The following PPAT variants were observed in gnomAD, a reference collection of about 807,000 sequenced individuals.
The protein encoded by PPAT is phosphoribosyl pyrophosphate amidotransferase.
PPAT carries 20 observed loss-of-function variants against 60.2 expected under a neutral mutation model. The ratio of observed to expected loss-of-function variants is 0.33; its 90% CI spans 0.23 to 0.48. The LOEUF (loss-of-function observed/expected upper bound fraction) is 0.48, where lower values mean the gene tolerates loss of function less well. Ranked by LOEUF, PPAT falls within the 20% of genes least tolerant of loss-of-function variation. PPAT has a pLI of 0.99. For missense variants in PPAT, 349 were observed against 629.6 expected (o/e 0.55, Z 4.77); for synonymous variants, 194 against 215.1 (o/e 0.90, Z 0.86).
intron 8 of PPAT, chr4:56,399,801 A>G (rs541054220): frequency 5.9e-4 from 94 of 159,842 alleles, no homozygotes; most frequent in African/African-American, 2.1e-3. Context: ...CCATTTATCA[A>G]GGTAATCTTT....
chr4:56,426,068 A>G (rs1717267893), intron 1 of PPAT, among the ~76,000 whole-genome samples: 1 of 152,076 alleles, frequency 6.6e-6, no homozygotes, highest in Non-Finnish European at 1.5e-5. Flanking sequence ...TACAATAATC[A>G]CCAGTATCCC....
intron 1 of PPAT, among the ~76,000 whole-genome samples, chr4:56,417,976 ATT>A (rs1027318712): frequency 2.6e-5 from 4 of 151,158 alleles, no homozygotes; most frequent in African/African-American, 9.7e-5. Context: ...AGTAGCTGGG[ATT>A]ACAGGTGTGC....
At position 56,393,984 on chromosome 4, in the gene PPAT, C is replaced by T. The variant is rs995862048; in HGVS notation, c.*1368G>A. 4.6e-5 allele frequency: 7 copies of T among 152,018 alleles called. No individual in the cohort carries two copies. The highest frequency in any genetic ancestry group is 1.7e-4 in the African/African-American group (7 of 41,354). The allele number at this position is 152,018 out of a possible 1,614,324, so 9.4% of individuals were successfully genotyped here. A position where few individuals can be genotyped will look rare whatever the true frequency, so the allele number is the denominator to read the frequency against. ...TAATATAATATGCGAGACTATATAC[C>T]AAAGGAAGACAAACAGTTTCAGTTA... On this transcript the variant is annotated 3_prime_UTR_variant, in exon 11 of 11. Coordinates refer to ENST00000264220, the MANE Select transcript of PPAT (RefSeq NM_002703.5).
At chr4:56,427,266 T>C (rs1324027230) in intron 1 of PPAT, among the ~76,000 whole-genome samples, 3 of 152,238 alleles carry the variant, frequency 2.0e-5, no homozygotes, top group Non-Finnish European at 2.9e-5. Flanking sequence ...GTTGATCATA[T>C]GGTAATTTGT....
At chr4:56,434,388 T>C (rs1717781660) in intron 1 of PPAT, among the ~76,000 whole-genome samples, 1 of 152,248 alleles carries the variant, frequency 6.6e-6, no homozygotes, top group Admixed American at 6.5e-5. Flanking sequence ...TGTAAGTTGT[T>C]ACCACTGTAT....
chr4:56,405,818 G>A (rs993042779), intron 3 of PPAT, among the ~76,000 whole-genome samples: 5 of 152,178 alleles, frequency 3.3e-5, no homozygotes, highest in African/African-American at 1.2e-4. Flanking sequence ...GCACTTTCTT[G>A]AGTTTTGTGA....
intron 10 of PPAT, 142 bp from the exon 11 acceptor site, chr4:56,395,690 GA>G (rs1036369993): frequency 1.1e-4 from 58 of 519,214 alleles, no homozygotes; most frequent in African/African-American, 3.1e-4. Flanking sequence ...AAAAAAAAAG[GA>G]AAAAAAATCA....
At chr4:56,419,401 A>G (rs1041834488) in intron 1 of PPAT, among the ~76,000 whole-genome samples, 12 of 152,208 alleles carry the variant, frequency 7.9e-5, no homozygotes, top group African/African-American at 2.9e-4. Flanking sequence ...TGACTAAAAA[A>G]ACACAACTTT....
intron 3 of PPAT, 151 bp from the exon 4 acceptor site, chr4:56,403,552 T>C: frequency 1.6e-6 from 1 of 613,510 alleles, no homozygotes; most frequent in Non-Finnish European, 2.8e-6. Flanking sequence ...CCCAACCTTT[T>C]TGGCACCAGG....
chr4:56,435,584 G>C lies in PPAT; in HGVS notation c.-107C>G, dbSNP rs3822001. 2.5e-6 allele frequency: 4 copies of C among 1,572,896 alleles called. No homozygotes were observed. The highest frequency in any genetic ancestry group is 1.7e-5 in the Admixed American group (1 of 58,128). ...GCTCAGAAGCTCGCGCTCGCGACAGGCTCTTCCTTCCCGAGGGTGGCCCCA... is the reference window on the plus strand; with the variant it reads ...GCTCAGAAGCTCGCGCTCGCGACAGCCTCTTCCTTCCCGAGGGTGGCCCCA... On this transcript the variant is annotated 5_prime_UTR_variant, in exon 1 of 11. Transcript: ENST00000264220.
At chr4:56,400,554 C>T (rs987345200) in intron 8 of PPAT, 12 of 343,370 alleles carry the variant, frequency 3.5e-5, no homozygotes, top group Admixed American at 2.2e-4. Flanking sequence ...AATTTCTGAA[C>T]GCTTTAGTGA....
intron 1 of PPAT, chr4:56,419,982 C>G (rs1716957735): frequency 5.1e-6 from 5 of 985,004 alleles, no homozygotes; most frequent in Non-Finnish European, 4.8e-6. Flanking sequence ...ATCACGAGAC[C>G]AGGAATCCCA....
chr4:56,398,353 G>A (rs975165225), intron 9 of PPAT, among the ~76,000 whole-genome samples: 8 of 152,108 alleles, frequency 5.3e-5, no homozygotes, highest in African/African-American at 1.9e-4. Flanking sequence ...CTGGGCAACA[G>A]AGCCAGACAC....
intron 1 of PPAT, among the ~76,000 whole-genome samples, chr4:56,424,817 T>C (rs946831743): frequency 3.3e-5 from 5 of 152,212 alleles, no homozygotes; most frequent in African/African-American, 1.2e-4. Flanking sequence ...CTGCCATTTA[T>C]ATGAGCTGGT....
intron 1 of PPAT, among the ~76,000 whole-genome samples, chr4:56,432,653 G>C (rs1391419471): frequency 1.3e-5 from 2 of 150,644 alleles, no homozygotes; most frequent in Admixed American, 6.6e-5. Context: ...GGCGTGGTGG[G>C]GGGCGCCTGT....
intron 1 of PPAT, among the ~76,000 whole-genome samples, chr4:56,414,936 C>T (rs1716645175): frequency 6.6e-6 from 1 of 152,134 alleles, no homozygotes; most frequent in Admixed American, 6.5e-5. Context: ...ACAATTTTTA[C>T]CTTGAGAGTT....
intron 1 of PPAT, among the ~76,000 whole-genome samples, chr4:56,429,294 T>C (rs1717455645): frequency 6.6e-6 from 1 of 152,214 alleles, no homozygotes; most frequent in African/African-American, 2.4e-5. Flanking sequence ...TGTTTGGTTA[T>C]CATGGTCCTT....
intron 1 of PPAT, chr4:56,420,917 G>C (rs1436471188): frequency 6.6e-6 from 1 of 152,110 alleles, no homozygotes; most frequent in Non-Finnish European, 1.5e-5. Context: ...AAGTTGTAAG[G>C]CTCTGTGGAA....
intron 2 of PPAT, among the ~76,000 whole-genome samples, chr4:56,407,104 G>T (rs572655525): frequency 2.0e-5 from 3 of 152,160 alleles, no homozygotes; most frequent in African/African-American, 7.2e-5. Context: ...GCATCTTAAA[G>T]CATTTAAATA....
Sources: allele counts gnomAD v4.1 joint callset (sites outside exome capture counted in the v4.1 genomes callset), GRCh38; gene constraint gnomAD v4.1.1; transcripts MANE v1.5; gene names NCBI Gene and HGNC (gene_info 2026-07-23, HGNC 2026-07-21).